CCSER2: variants seen among roughly 807,000 people sequenced by gnomAD.
CCSER2 encodes the protein serine-rich coiled-coil domain-containing protein 2.
CCSER2 carries 46 observed loss-of-function variants against 92.3 expected under a neutral mutation model. The ratio of observed to expected loss-of-function variants is 0.50; its 90% CI spans 0.39 to 0.64. The LOEUF (loss-of-function observed/expected upper bound fraction) is 0.64. Among genes scored for constraint, CCSER2 ranks in the 30% least tolerant of loss-of-function variants. The pLI is 0.00. For missense variants in CCSER2, 1,244 were observed against 1,238.9 expected (o/e 1.00, Z -0.06); for synonymous variants, 433 against 431.4 (o/e 1.00, Z -0.04).
At chr10:84,505,869 A>ATTTG (rs33979500) in intron 9 of CCSER2, among the ~76,000 whole-genome samples, 693 of 35,806 alleles carry the variant, frequency 0.019, 6 homozygotes, top group Non-Finnish European at 0.064. Flanking sequence ...AGCTTGTGGG[A>ATTTG]TTTTTTTTAG....
intron 9 of CCSER2, chr10:84,499,753 C>T (rs1848624722): frequency 1.1e-5 from 9 of 799,124 alleles, no homozygotes; most frequent in Non-Finnish European, 1.7e-5. Context: ...AAAATGAAAT[C>T]TGTCTTCTCG....
At position 84,518,488 on chromosome 10, in the gene CCSER2, T is replaced by C. The variant is rs1849669388; in HGVS notation, c.*4221T>C. 1 of 152,654 alleles carries C rather than the reference T, an allele frequency of 6.6e-6. No individual in the cohort carries two copies. The highest frequency in any genetic ancestry group is 1.5e-5 in the Non-Finnish European group (1 of 68,038). The allele number at this position is 152,654 out of a possible 1,614,324, so 9.5% of individuals were successfully genotyped here. On this transcript the variant is annotated 3_prime_UTR_variant, in exon 10 of 10. Transcript: ENST00000372088. ...GTCTCTCCTGAAAATGTTGGCATAG[T>C]AAATAAAAATAAAGTTCATAATTAT...
intron 8 of CCSER2, among the ~76,000 whole-genome samples, chr10:84,477,267 C>T (rs1847203502): frequency 6.6e-6 from 1 of 152,110 alleles, no homozygotes; most frequent in Non-Finnish European, 1.5e-5. Context: ...TACAGGCTGA[C>T]TCTCAAACCC....
intron 3 of CCSER2, among the ~76,000 whole-genome samples, chr10:84,385,201 A>G (rs1447108077): frequency 2.0e-5 from 3 of 152,226 alleles, no homozygotes; most frequent in South Asian, 2.1e-4. Context: ...TACAGATTCA[A>G]GGCAATTCCC....
At chr10:84,476,437 T>C (rs867276937) in intron 8 of CCSER2, among the ~76,000 whole-genome samples, 19 of 25,556 alleles carry the variant, frequency 7.4e-4, no homozygotes, top group African/African-American at 2.2e-3. Context: ...TTCTCTCTCT[T>C]TTTTTTTTTT....
At chr10:84,366,818 A>G (rs1845799907) in intron 1 of CCSER2, among the ~76,000 whole-genome samples, 1 of 152,178 alleles carries the variant, frequency 6.6e-6, no homozygotes, top group African/African-American at 2.4e-5. Flanking sequence ...CGTGATCCAG[A>G]TCTTTGCTTT....
intron 9 of CCSER2, among the ~76,000 whole-genome samples, chr10:84,491,391 G>A (rs931096230): frequency 2.6e-5 from 4 of 152,198 alleles, no homozygotes; most frequent in African/African-American, 9.6e-5. Context: ...GCTCCACCCA[G>A]TTCGAGCTTC....
At chr10:84,339,852 T>C (rs1416030270) in intron 1 of CCSER2, among the ~76,000 whole-genome samples, 1 of 147,420 alleles carries the variant, frequency 6.8e-6, no homozygotes, top group East Asian at 2.1e-4. Flanking sequence ...TATTTTTTTA[T>C]TTTTTTGAGA....
intron 9 of CCSER2, among the ~76,000 whole-genome samples, chr10:84,503,577 G>A (rs1848885216): frequency 6.6e-6 from 1 of 152,106 alleles, no homozygotes; most frequent in Non-Finnish European, 1.5e-5. Flanking sequence ...AAGCCTTCCT[G>A]GTAATTCCAA....
At position 84,438,643 on chromosome 10, in the gene CCSER2, A is replaced by G. The variant is rs1373568881; in HGVS notation, c.2000A>G (p.His667Arg). The change falls in exon 6 of 10, where the codon CAC becomes CGC. Residue 667 changes from histidine to arginine, a missense_variant. Physicochemically the swap from His to Arg is conservative, Grantham distance 29. Coordinates refer to ENST00000372088, the MANE Select transcript of CCSER2 (RefSeq NM_001284240.2). The part of the protein sequence containing the change: ...TVILDEMTLR[H>R]MVQDCTAVKT... ...ATACTGGATGAGATGACCCTTCGGCACATGGTTCAGGATTGCACTGCTGTA... is the reference window on the plus strand; with the variant it reads ...ATACTGGATGAGATGACCCTTCGGCGCATGGTTCAGGATTGCACTGCTGTA... 2 of 1,613,886 alleles carry G rather than the reference A, an allele frequency of 1.2e-6. No individual in the cohort carries two copies. Among genetic ancestry groups the G allele is most frequent in the African/African-American group, 1.3e-5 (1 of 75,044 alleles).
chr10:84,436,767 T>C (rs1013313208), intron 5 of CCSER2, among the ~76,000 whole-genome samples: 2 of 152,070 alleles, frequency 1.3e-5, no homozygotes. Context: ...TTTCTAAAAA[T>C]CTTTTTCTTG....
rs1271741047 is a variant in CCSER2 at position 84,373,763 on chromosome 10, T to C, written c.1562T>C (p.Ile521Thr). ...TGGGATGAAGAAGGCTTGGAACCCA[T>C]TGGAAATGTCCATCCAGTTGGGAGC... ...YMWDEEGLEP[I>T]GNVHPVGSYE... The change falls in exon 3 of 10, where the codon ATT becomes ACT. Residue 521 changes from isoleucine to threonine, a missense_variant. Coordinates refer to ENST00000372088, the MANE Select transcript of CCSER2 (RefSeq NM_001284240.2). The C allele has an allele frequency of 1.9e-6, 3 of 1,613,660 alleles. No homozygotes were observed. Among genetic ancestry groups the C allele is most frequent in the Admixed American group, 1.7e-5 (1 of 59,968 alleles).
At chr10:84,333,798 A>T (rs1173808501) in intron 1 of CCSER2, among the ~76,000 whole-genome samples, 1 of 152,194 alleles carries the variant, frequency 6.6e-6, no homozygotes, top group Non-Finnish European at 1.5e-5. Context: ...ATTGATTTGG[A>T]AGACATTGAG....
intron 1 of CCSER2, among the ~76,000 whole-genome samples, chr10:84,360,133 G>A (rs1402617155): frequency 6.6e-6 from 1 of 152,116 alleles, no homozygotes; most frequent in Non-Finnish European, 1.5e-5. Flanking sequence ...TTTTTAAATG[G>A]AAGTTTTATA....
intron 9 of CCSER2, among the ~76,000 whole-genome samples, chr10:84,492,285 A>T (rs1848218018): frequency 6.6e-6 from 1 of 152,022 alleles, no homozygotes; most frequent in Non-Finnish European, 1.5e-5. Context: ...GTCTCCAAAA[A>T]AAAAAAAAAA....
intron 1 of CCSER2, among the ~76,000 whole-genome samples, chr10:84,362,759 C>G (rs866753008): frequency 6.6e-6 from 1 of 152,108 alleles, no homozygotes; most frequent in Middle Eastern, 3.4e-3. Context: ...AGTAAGCGCA[C>G]CATTTTAAAC....
intron 1 of CCSER2, among the ~76,000 whole-genome samples, chr10:84,356,114 A>AG: frequency 6.6e-6 from 1 of 152,028 alleles, no homozygotes; most frequent in East Asian, 1.9e-4. Context: ...AAAAAAAAAA[A>AG]AAAAAAGGTG....
intron 9 of CCSER2, among the ~76,000 whole-genome samples, chr10:84,486,303 C>G (rs1008974883): frequency 1.3e-5 from 2 of 152,160 alleles, no homozygotes; most frequent in African/African-American, 4.8e-5. Flanking sequence ...GTTCTAGATC[C>G]TTGAGGAATC....
At chr10:84,438,256 T>C (rs1032525000) in intron 5 of CCSER2, among the ~76,000 whole-genome samples, 1 of 152,172 alleles carries the variant, frequency 6.6e-6, no homozygotes, top group Admixed American at 6.5e-5. Flanking sequence ...TCTATTCCGG[T>C]GCCTAAAGAA....
Sources: allele counts gnomAD v4.1 joint callset (sites outside exome capture counted in the v4.1 genomes callset), GRCh38; gene constraint gnomAD v4.1.1; transcripts MANE v1.5; gene names NCBI Gene and HGNC (gene_info 2026-07-23, HGNC 2026-07-21).